AXIN2: variants seen among roughly 807,000 people sequenced by gnomAD.
AXIN2 encodes the protein axin 2.
In AXIN2, 21 loss-of-function variants were observed where a neutral mutation model predicts 74.7. The ratio of observed to expected loss-of-function variants is 0.28; its 90% CI spans 0.20 to 0.40. AXIN2 has a LOEUF of 0.40. Among genes scored for constraint, AXIN2 ranks in the 10% least tolerant of loss-of-function variants. The pLI, the probability that AXIN2 is intolerant of heterozygous loss-of-function variation, is 1.00. For synonymous variants in AXIN2, 532 were observed against 454.9 expected, an observed-to-expected ratio of 1.17 and a Z score of -2.16; for missense variants, 1,144 against 1,111.1, an observed-to-expected ratio of 1.03 and a Z score of -0.42.
At chr17:65,538,537 C>T (rs1479510225) in intron 4 of AXIN2, among the ~76,000 whole-genome samples, 194 bp from the exon 5 acceptor site, 1 of 151,908 alleles carries the variant, frequency 6.6e-6, no homozygotes, top group Non-Finnish European at 1.5e-5. Context: ...CCATGGTCCC[C>T]ACCAGCGTTT....
At position 65,534,034 on chromosome 17, in the gene AXIN2, G is replaced by T; in HGVS notation, c.2283C>A (p.Ala761=). The T allele has an allele frequency of 6.2e-7, 1 of 1,614,236 alleles. No individual in the cohort carries two copies. Residue 761 remains alanine (A), a synonymous_variant, in exon 10 of 11, where the codon GCC becomes GCA. Transcript: ENST00000307078. ...KKLAGVHALQ[A]SELVVTYFFC... ...AAAAGTAAGTGACAACCAACTCACT[G>T]GCCTGGAGCGCGTGGACACCTGCCA...
At chr17:65,559,873 G>A (rs574824937) in intron 1 of AXIN2, 35 of 152,406 alleles carry the variant, frequency 2.3e-4, no homozygotes, top group African/African-American at 8.2e-4. Flanking sequence ...CCGCGGGGCT[G>A]GGCGGCGCGG....
Position 65,550,253 on chromosome 17 carries a change from A to G in AXIN2, c.816-593T>C, listed in dbSNP as rs940900002. Among the ~76,000 whole-genome samples the G allele has an allele frequency of 3.8e-4, 58 of 152,134 alleles. 2 individuals carry two copies. Among genetic ancestry groups the G allele is most frequent in the Non-Finnish European group, 2.4e-4 (16 of 68,024 alleles). On this transcript the variant is annotated intron_variant, in intron 2 of 10. Transcript: ENST00000307078. ...GTTCAAGACAACGTTCAGGACTCCA[A>G]TCCCACCTGTGAGCTCTGCCATGAG...
At chr17:65,536,171 C>A in intron 8 of AXIN2, 149 bp downstream of exon 8, 2 of 823,438 alleles carry the variant, frequency 2.4e-6, no homozygotes. Flanking sequence ...AGCTGGAAAG[C>A]AGCAGCTTAC....
intron 2 of AXIN2, among the ~76,000 whole-genome samples, chr17:65,556,673 C>T (rs149709701): frequency 2.6e-5 from 4 of 152,220 alleles, no homozygotes; most frequent in Non-Finnish European, 5.9e-5. Context: ...ACCTGGCCAC[C>T]CTGAGAGGCT....
At chr17:65,536,684 G>A (rs760898165) in intron 7 of AXIN2, 131 bp from the exon 8 acceptor site, 1 of 1,378,110 alleles carries the variant, frequency 7.3e-7, no homozygotes, top group Non-Finnish European at 1.0e-6. Flanking sequence ...ACCATAACAT[G>A]AACAGGGGTC....
chr17:65,553,080 T>C (rs1172697436), intron 2 of AXIN2, among the ~76,000 whole-genome samples: 4 of 152,154 alleles, frequency 2.6e-5, no homozygotes, highest in Non-Finnish European at 4.4e-5. Flanking sequence ...TTTTCTCAAC[T>C]GCCCTAATTT....
chr17:65,531,102 G>A (rs4074947), intron 10 of AXIN2, among the ~76,000 whole-genome samples: 40,538 of 151,926 alleles, frequency 0.27, 5,587 homozygotes, highest in East Asian at 0.37. Context: ...GCCACTCACA[G>A]AGGGAAGGTC....
chr17:65,537,933 C>A (rs2043967480), intron 5 of AXIN2, 98 bp from the exon 6 acceptor site: 4 of 1,444,358 alleles, frequency 2.8e-6, no homozygotes, highest in East Asian at 2.5e-5. Flanking sequence ...GGAGCACGCA[C>A]ACCCGTGTGC....
chr17:65,537,300 C>T, intron 6 of AXIN2, 24 bp downstream of exon 6: 1 of 1,613,516 alleles, frequency 6.2e-7, no homozygotes, highest in Non-Finnish European at 8.5e-7. Context: ...CCACACGGGA[C>T]ACTGCGGTCC....
chr17:65,529,920 A>G lies in AXIN2; in HGVS notation c.*56T>C, dbSNP rs1448895090. 3 of 1,613,178 alleles carry G rather than the reference A, an allele frequency of 1.9e-6. No homozygotes were observed. In the African/African-American group the frequency reaches 4.0e-5, roughly 22 times the overall value. ...GTTTTGTCGCAGTTGCTCACAGCCA[A>G]GACAGTTCACAAGAGCTTCGGGCTC... On this transcript the variant is annotated 3_prime_UTR_variant, in exon 11 of 11. Coordinates refer to ENST00000307078, the MANE Select transcript of AXIN2 (RefSeq NM_004655.4).
chr17:65,538,172 G>A (rs533790501), intron 5 of AXIN2, 31 bp downstream of exon 5: 17 of 1,613,928 alleles, frequency 1.1e-5, no homozygotes, highest in Admixed American at 8.3e-5. Context: ...CGCCGTGGAC[G>A]GAAGCAGGAA....
rs532732878 is a variant in AXIN2, at chr17:65,534,098, G to A, written c.2238-19C>T. ...TTTGTGACTGAAAATAAGATGGAAT[G>A]GAACAAGTTTAGCATTTTAAAGCAG... On this transcript the variant is annotated intron_variant, in intron 9 of 10. Transcript: ENST00000307078. 2.5e-6 allele frequency: 4 copies of A among 1,614,144 alleles called. No homozygotes were observed. In the African/African-American group the frequency reaches 4.0e-5, roughly 16 times the overall value.
In AXIN2 at chr17:65,551,851, C is replaced by CTG. The variant is rs2044198384; in HGVS notation, c.816-2193_816-2192dup. On this transcript the variant is annotated intron_variant, in intron 2 of 10. Coordinates refer to ENST00000307078, the MANE Select transcript of AXIN2 (RefSeq NM_004655.4). ...CCGGACCACAGCTGTGCCCTGGATC[C>CTG]TGTCCGACTGCATCAAGTCAGATCT... Among the ~76,000 whole-genome samples the CTG allele has an allele frequency of 3.3e-5, 5 of 152,340 alleles. No individual in the cohort carries two copies. The South Asian group carries it at 1.0e-3, about 32-fold the overall frequency.
intron 1 of AXIN2, chr17:65,559,988 T>G (rs890911542): frequency 6.6e-5 from 10 of 152,174 alleles, no homozygotes; most frequent in African/African-American, 2.4e-4. Flanking sequence ...CAGGCTCTCA[T>G]GTCCTCCGAG....
chr17:65,536,180 A>T, intron 8 of AXIN2, 140 bp downstream of exon 8: 1 of 859,830 alleles, frequency 1.2e-6, no homozygotes, highest in Non-Finnish European at 1.9e-6. Flanking sequence ...GCAGCAGCTT[A>T]CTCATCCATA....
intron 2 of AXIN2, among the ~76,000 whole-genome samples, chr17:65,552,953 G>A (rs1296672943): frequency 6.6e-6 from 1 of 151,924 alleles, no homozygotes; most frequent in Non-Finnish European, 1.5e-5. Context: ...GCTTGAACCC[G>A]GGAGGCAAAG....
chr17:65,531,238 T>C (rs938107639), intron 10 of AXIN2, among the ~76,000 whole-genome samples: 14 of 152,152 alleles, frequency 9.2e-5, no homozygotes, highest in Admixed American at 5.9e-4. Flanking sequence ...CTCAATTTTT[T>C]CCCTCTTTAA....
At chr17:65,550,379 C>T (rs1394352136) in intron 2 of AXIN2, among the ~76,000 whole-genome samples, 1 of 152,188 alleles carries the variant, frequency 6.6e-6, no homozygotes, top group Non-Finnish European at 1.5e-5. Flanking sequence ...AAAGGAAGGC[C>T]CAGGCCCCTC....
Sources: allele counts gnomAD v4.1 joint callset (sites outside exome capture counted in the v4.1 genomes callset), GRCh38; gene constraint gnomAD v4.1.1; transcripts MANE v1.5; gene names NCBI Gene and HGNC (gene_info 2026-07-23, HGNC 2026-07-21).